Variants in WWOX observed in about 807,000 individuals in gnomAD.
WWOX encodes WW domain containing oxidoreductase.
In WWOX, 69 loss-of-function variants were observed where a neutral mutation model predicts 46.2. The observed-to-expected ratio is 1.49, with a 90% CI of 1.23 to 1.82. WWOX has a LOEUF of 1.82. Among genes scored for constraint, WWOX ranks in the 40% most tolerant of loss-of-function variants. The pLI, the probability that WWOX is intolerant of heterozygous loss-of-function variation, is 0.00. For synonymous variants in WWOX, 359 were observed against 202.6 expected (o/e 1.77, Z -6.56); for missense variants, 919 against 542.6 (o/e 1.69, Z -6.89).
At chr16:78,554,989 T>C (rs2044257002) in intron 8 of WWOX, among the ~76,000 whole-genome samples, 1 of 152,148 alleles carries the variant, frequency 6.6e-6, no homozygotes, top group Non-Finnish European at 1.5e-5. Flanking sequence ...GGGGCCCGGA[T>C]AAACCAGCAG....
At chr16:78,920,517 C>G (rs974205408) in intron 8 of WWOX, among the ~76,000 whole-genome samples, 3 of 152,144 alleles carry the variant, frequency 2.0e-5, no homozygotes, top group Non-Finnish European at 4.4e-5. Context: ...CCCAGCCCTC[C>G]TTGTCAGTCA....
At chr16:78,871,519 C>T (rs1284621775) in intron 8 of WWOX, among the ~76,000 whole-genome samples, 1 of 152,148 alleles carries the variant, frequency 6.6e-6, no homozygotes, top group East Asian at 1.9e-4. Context: ...ACAAGATCTC[C>T]AAGGAAGCAG....
intron 8 of WWOX, among the ~76,000 whole-genome samples, chr16:78,554,708 G>T (rs2044248286): frequency 6.6e-6 from 1 of 152,052 alleles, no homozygotes; most frequent in Non-Finnish European, 1.5e-5. Context: ...GGTGGCCTAA[G>T]GCAGCCTTCC....
intron 5 of WWOX, among the ~76,000 whole-genome samples, chr16:78,172,093 G>T (rs2035181349): frequency 1.3e-5 from 2 of 152,186 alleles, no homozygotes; most frequent in Admixed American, 1.3e-4. Context: ...TTTGCAGCTG[G>T]TGTGTGGGTG....
chr16:78,711,308 A>G (rs1444403121), intron 8 of WWOX, among the ~76,000 whole-genome samples: 1 of 152,164 alleles, frequency 6.6e-6, no homozygotes, highest in African/African-American at 2.4e-5. Context: ...GACATTTACT[A>G]TTTCTATGGT....
chr16:78,163,143 A>G (rs2151734352), intron 4 of WWOX, among the ~76,000 whole-genome samples: 1 of 152,000 alleles, frequency 6.6e-6, no homozygotes, highest in East Asian at 1.9e-4. Context: ...ATGCTTAGCT[A>G]TTTTGTTTGA....
In WWOX at chr16:78,751,574, T is replaced by TA. The variant is rs555921443; in HGVS notation, c.1056+318827dup. Among the ~76,000 whole-genome samples, 20 of 150,578 alleles carry TA rather than the reference T, an allele frequency of 1.3e-4. No individual in the cohort carries two copies. In the South Asian group the frequency reaches 4.2e-3, roughly 31 times the overall value. ...GATACAGCATTTTAAAACAGTTTACTAAAAATAACAAAACATTCTTCCATC... is the reference window on the plus strand; with the variant it reads ...GATACAGCATTTTAAAACAGTTTACTAAAAAATAACAAAACATTCTTCCATC... On this transcript the variant is annotated intron_variant, in intron 8 of 8. Coordinates refer to ENST00000566780, the MANE Select transcript of WWOX (RefSeq NM_016373.4).
chr16:78,387,964 G>A (rs1357021956), intron 6 of WWOX, among the ~76,000 whole-genome samples: 3 of 152,038 alleles, frequency 2.0e-5, no homozygotes, highest in African/African-American at 7.2e-5. Context: ...GTTGCAAGCA[G>A]ATGAAGGATG....
intron 8 of WWOX, among the ~76,000 whole-genome samples, chr16:79,094,729 A>T (rs143357844): frequency 7.7e-4 from 117 of 152,286 alleles, no homozygotes; most frequent in African/African-American, 2.8e-3. Context: ...TCTGAAGATA[A>T]ACCTGGAATG....
chr16:79,133,072 A>G (rs2049912913), intron 8 of WWOX, among the ~76,000 whole-genome samples: 1 of 152,224 alleles, frequency 6.6e-6, no homozygotes. Flanking sequence ...CATACATGCA[A>G]GTGACCTTTC....
chr16:78,774,496 T>TGTGTG lies in WWOX; in HGVS notation c.1056+341744_1056+341745insGTGTG, dbSNP rs2050139676. The stretch of plus-strand genomic sequence containing the variant: ...CGGGCAGTTTCTTGACAGACCCATT[T>TGTGTG]TGTGTGTGTGTGTGTGTGTGTGTGT... On this transcript the variant is annotated intron_variant, in intron 8 of 8. Coordinates refer to ENST00000566780, the MANE Select transcript of WWOX (RefSeq NM_016373.4). Among the ~76,000 whole-genome samples the TGTGTG allele has an allele frequency of 2.3e-4, 35 of 149,516 alleles. 1 individual carries two copies. The highest frequency in any genetic ancestry group is 7.3e-4 in the Admixed American group (11 of 15,120).
At position 78,945,730 on chromosome 16, in the gene WWOX, T is replaced by G. The variant is rs140685839; in HGVS notation, c.1057-265878T>G. Among the ~76,000 whole-genome samples the G allele has an allele frequency of 5.6e-3, 849 of 152,312 alleles. 7 individuals are homozygous for G. The highest frequency in any genetic ancestry group is 0.019 in the South Asian group (90 of 4,820). ...CCTGCATTGTCTTGCTTCATTCATT[T>G]CTTTCCAGGTTCCTGCAAATTGTTT... On this transcript the variant is annotated intron_variant, in intron 8 of 8. Transcript: ENST00000566780.
chr16:78,377,439 ACTC>A (rs1555528976), intron 5 of WWOX, among the ~76,000 whole-genome samples: 1 of 152,102 alleles, frequency 6.6e-6, no homozygotes, highest in Non-Finnish European at 1.5e-5. Context: ...AACTTATTGT[ACTC>A]CTCTTTACTT....
chr16:78,617,627 C>G (rs984462640), intron 8 of WWOX, among the ~76,000 whole-genome samples: 53 of 152,226 alleles, frequency 3.5e-4, no homozygotes, highest in African/African-American at 1.3e-3. Context: ...CCCCCAATCC[C>G]AAACTAGAAG....
chr16:78,353,324 T>G (rs2151907679), intron 5 of WWOX, among the ~76,000 whole-genome samples: 1 of 152,318 alleles, frequency 6.6e-6, no homozygotes, highest in East Asian at 1.9e-4. Flanking sequence ...GGTAAAGCAC[T>G]GTGCAGAAAT....
intron 3 of WWOX, chr16:78,111,822 C>T: frequency 5.8e-6 from 1 of 172,834 alleles, no homozygotes; most frequent in Non-Finnish European, 1.2e-5. Flanking sequence ...CTTTTAAGGG[C>T]AGAAAAGAAA....
intron 8 of WWOX, among the ~76,000 whole-genome samples, chr16:79,112,082 A>G (rs759145301): frequency 4.6e-5 from 7 of 152,272 alleles, no homozygotes; most frequent in South Asian, 4.2e-4. Context: ...TGGACACAGA[A>G]CAGGCTCATT....
At chr16:78,473,539 A>G (rs1203908372) in intron 8 of WWOX, among the ~76,000 whole-genome samples, 3 of 151,404 alleles carry the variant, frequency 2.0e-5, no homozygotes, top group Non-Finnish European at 4.4e-5. Context: ...AAAGTTTGCC[A>G]ACACCCAGGT....
chr16:79,201,478 T>G (rs2150830590), intron 8 of WWOX, among the ~76,000 whole-genome samples: 1 of 152,282 alleles, frequency 6.6e-6, no homozygotes, highest in African/African-American at 2.4e-5. Context: ...TTTGCAGCAT[T>G]CTTCAAGGGC....
Sources: gnomAD v4.1 joint callset for allele counts (sites outside exome capture counted in the v4.1 genomes callset) on GRCh38, gnomAD v4.1.1 for gene constraint, MANE v1.5 for transcripts, NCBI Gene and HGNC (gene_info 2026-07-23, HGNC 2026-07-21) for gene names.